UQCC1: variants seen among roughly 807,000 people sequenced by gnomAD.
UQCC1 encodes ubiquinol-cytochrome c reductase complex assembly factor 1, also known as bFGF-repressed Zic-binding protein.
A neutral mutation model predicts 48.0 loss-of-function variants in UQCC1; 38 were observed. That is an observed-to-expected ratio of 0.79 (90% CI 0.61 to 1.04). UQCC1 has a LOEUF of 1.04. Ranked by LOEUF, UQCC1 falls within the 50% of genes least tolerant of loss-of-function variation. The pLI, the probability that UQCC1 is intolerant of heterozygous loss-of-function variation, is 0.00. For synonymous variants in UQCC1, 111 were observed against 129.2 expected, an observed-to-expected ratio of 0.86 and a Z score of 0.95; for missense variants, 368 against 381.8, an observed-to-expected ratio of 0.96 and a Z score of 0.30.
At chr20:35,371,718 A>AAAC (rs1451900970) in intron 5 of UQCC1, among the ~76,000 whole-genome samples, 3 of 151,298 alleles carry the variant, frequency 2.0e-5, no homozygotes, top group East Asian at 1.9e-4. Flanking sequence ...AAAAAAAAAA[A>AAAC]AAACAGGCTG....
At chr20:35,331,216 GA>G (rs1488344168) in intron 7 of UQCC1, among the ~76,000 whole-genome samples, 1 of 152,080 alleles carries the variant, frequency 6.6e-6, no homozygotes, top group Non-Finnish European at 1.5e-5. Context: ...CAAGCCAGCT[GA>G]TTCCTAACCC....
At chr20:35,334,738 A>G (rs1480807216) in intron 7 of UQCC1, among the ~76,000 whole-genome samples, 1 of 152,230 alleles carries the variant, frequency 6.6e-6, no homozygotes, top group Non-Finnish European at 1.5e-5. Context: ...ATGGATGGAT[A>G]GATGGGTAAA....
At chr20:35,397,794 G>A (rs987702284) in intron 1 of UQCC1, among the ~76,000 whole-genome samples, 4 of 152,034 alleles carry the variant, frequency 2.6e-5, no homozygotes, top group Non-Finnish European at 5.9e-5. Flanking sequence ...AAAGGACCAG[G>A]GATACTTGGG....
intron 8 of UQCC1, chr20:35,307,112 C>T: frequency 2.6e-6 from 1 of 389,846 alleles, no homozygotes; most frequent in East Asian, 5.9e-5. Flanking sequence ...GAAACAGTAG[C>T]AGCAATGCTC....
rs183827397 is a variant in UQCC1 at position 35,324,382 on chromosome 20, C to T, written c.574-9617G>A. 6.0e-3 allele frequency among the ~76,000 whole-genome samples: 913 copies of T among 152,112 alleles called. 6 individuals carry two copies. Among genetic ancestry groups the T allele is most frequent in the Middle Eastern group, 0.01 (3 of 294 alleles). The stretch of plus-strand genomic sequence containing the variant: ...TGCACTCTTGCCCAGGCTGGAGTGC[C>T]GTGGCGCCATCTCTGCTCACTGCAA... On this transcript the variant is annotated intron_variant, in intron 7 of 9. Coordinates refer to ENST00000374385, the MANE Select transcript of UQCC1 (RefSeq NM_018244.5).
intron 6 of UQCC1, among the ~76,000 whole-genome samples, chr20:35,354,861 T>C (rs978267330): frequency 6.6e-6 from 1 of 152,200 alleles, no homozygotes; most frequent in African/African-American, 2.4e-5. Flanking sequence ...TATTTTACCA[T>C]AGGCTAAGTG....
intron 9 of UQCC1, 138 bp from the exon 10 acceptor site, chr20:35,304,207 A>G: frequency 8.7e-7 from 1 of 1,149,278 alleles, no homozygotes; most frequent in Non-Finnish European, 1.2e-6. Flanking sequence ...CCCAGGTCCC[A>G]GACCAAGCCG....
At chr20:35,355,022 C>G (rs546248019) in intron 6 of UQCC1, among the ~76,000 whole-genome samples, 1 of 152,076 alleles carries the variant, frequency 6.6e-6, no homozygotes, top group Admixed American at 6.5e-5. Context: ...ACACCCACAC[C>G]CACTCCAATA....
chr20:35,390,021 A>G (rs1312820776), intron 2 of UQCC1, among the ~76,000 whole-genome samples: 2 of 152,240 alleles, frequency 1.3e-5, no homozygotes, highest in East Asian at 1.9e-4. Flanking sequence ...ATGTGCTACA[A>G]CATAGATGAA....
chr20:35,393,245 T>A (rs1344809417), intron 2 of UQCC1, among the ~76,000 whole-genome samples: 2 of 151,980 alleles, frequency 1.3e-5, no homozygotes, highest in African/African-American at 4.8e-5. Context: ...AGAAAAAATA[T>A]GTGCTAAGAC....
intron 7 of UQCC1, among the ~76,000 whole-genome samples, chr20:35,318,279 A>G (rs753167736): frequency 6.6e-6 from 1 of 152,194 alleles, no homozygotes; most frequent in Non-Finnish European, 1.5e-5. Context: ...CAGAAAGAAG[A>G]GACTTATTCA....
intron 6 of UQCC1, among the ~76,000 whole-genome samples, chr20:35,363,693 T>C (rs1307320202): frequency 6.6e-6 from 1 of 152,212 alleles, no homozygotes; most frequent in East Asian, 1.9e-4. Context: ...TATTAGTAGT[T>C]TGTTTGGTTT....
intron 1 of UQCC1, among the ~76,000 whole-genome samples, chr20:35,410,704 C>CAAAAAAAAAAAAAAAAAAAAA (rs1183843739): frequency 0.035 from 94 of 2,708 alleles, 36 homozygotes; most frequent in South Asian, 0.059. Context: ...GACTCTGCCT[C>CAAAAAAAAAAAAAAAAAAAAA]AAAAAAAAAA....
intron 7 of UQCC1, among the ~76,000 whole-genome samples, chr20:35,341,978 T>C (rs569395443): frequency 2.9e-4 from 44 of 152,132 alleles, no homozygotes; most frequent in Non-Finnish European, 5.3e-4. Context: ...AGTGTGATCG[T>C]AGAGGACCTT....
chr20:35,350,643 A>C (rs2061480652), intron 6 of UQCC1, among the ~76,000 whole-genome samples: 1 of 152,132 alleles, frequency 6.6e-6, no homozygotes, highest in African/African-American at 2.4e-5. Context: ...TTGCAGTGCC[A>C]AGATCGCACC....
chr20:35,322,473 C>T (rs2061142282), intron 7 of UQCC1, among the ~76,000 whole-genome samples: 1 of 152,194 alleles, frequency 6.6e-6, no homozygotes, highest in South Asian at 2.1e-4. Context: ...GTGGCTCACG[C>T]CTGTAATCTC....
At chr20:35,395,980 CTTTTTTT>C (rs1000858624) in intron 1 of UQCC1, among the ~76,000 whole-genome samples, 1 of 99,204 alleles carries the variant, frequency 1.0e-5, no homozygotes, top group Non-Finnish European at 1.9e-5. Flanking sequence ...TTTGCAATGT[CTTTTTTT>C]TTTTTTTTTT....
At chr20:35,402,686 A>G (rs1457655542) in intron 1 of UQCC1, among the ~76,000 whole-genome samples, 2 of 150,620 alleles carry the variant, frequency 1.3e-5, no homozygotes, top group African/African-American at 4.9e-5. Context: ...CCAGCTACTC[A>G]GGAGGCTGAG....
chr20:35,342,511 G>A (rs1245159207), intron 7 of UQCC1, among the ~76,000 whole-genome samples: 1 of 152,228 alleles, frequency 6.6e-6, no homozygotes, highest in Non-Finnish European at 1.5e-5. Context: ...ATTAGTAGGA[G>A]AGGCAGAGAG....
Sources: gnomAD v4.1 joint callset for allele counts (sites outside exome capture counted in the v4.1 genomes callset) on GRCh38, gnomAD v4.1.1 for gene constraint, MANE v1.5 for transcripts, NCBI Gene and HGNC (gene_info 2026-07-23, HGNC 2026-07-21) for gene names.